LRRTM4: variants seen among roughly 807,000 people sequenced by gnomAD.
The protein encoded by LRRTM4 is leucine rich repeat transmembrane neuronal 4.
A neutral mutation model predicts 47.6 loss-of-function variants in LRRTM4; 25 were observed. The observed-to-expected ratio is 0.53, with a 90% CI of 0.38 to 0.73. The LOEUF is 0.73. Ranked by LOEUF, LRRTM4 falls within the 30% of genes least tolerant of loss-of-function variation. LRRTM4 has a pLI of 0.00. For synonymous variants in LRRTM4, 311 were observed against 269.5 expected (o/e 1.15, Z -1.51); for missense variants, 638 against 713.4 (o/e 0.89, Z 1.20).
intron 3 of LRRTM4, among the ~76,000 whole-genome samples, chr2:77,258,693 G>C (rs1388314236): frequency 2.0e-5 from 3 of 151,748 alleles, no homozygotes; most frequent in East Asian, 3.9e-4. Context: ...TTATATTCAG[G>C]AAAATTGTTA....
chr2:77,398,782 T>C (rs935697100), intron 3 of LRRTM4, among the ~76,000 whole-genome samples: 1 of 151,794 alleles, frequency 6.6e-6, no homozygotes, highest in Admixed American at 6.6e-5. Context: ...AATGACCTTA[T>C]GGTCTAAAAA....
Position 76,903,335 on chromosome 2 carries a change from G to C in LRRTM4, c.1552-154419C>G, listed in dbSNP as rs551574380. Among the ~76,000 whole-genome samples the C allele has an allele frequency of 2.0e-5, 3 of 152,280 alleles. No homozygotes were observed. The East Asian group carries it at 5.8e-4, about 29-fold the overall frequency. On this transcript the variant is annotated intron_variant, in intron 3 of 3. Transcript: ENST00000409884. ...GTGTATCACGAGGTCAGGAGATTGA[G>C]ACCAGCCTGGCCAATATGGTGAAAC...
At chr2:76,783,846 C>T (rs1332991817) in intron 3 of LRRTM4, among the ~76,000 whole-genome samples, 1 of 152,072 alleles carries the variant, frequency 6.6e-6, no homozygotes, top group African/African-American at 2.4e-5. Context: ...AATGTTAATT[C>T]TGCACATTTC....
intron 3 of LRRTM4, among the ~76,000 whole-genome samples, chr2:76,807,645 G>A (rs1573145067): frequency 6.6e-6 from 1 of 151,460 alleles, no homozygotes; most frequent in East Asian, 2.0e-4. Context: ...AGGCTGGAGT[G>A]CAACGGTGCG....
At chr2:76,920,266 A>G (rs116366010) in intron 3 of LRRTM4, among the ~76,000 whole-genome samples, 1 of 152,138 alleles carries the variant, frequency 6.6e-6, no homozygotes, top group Admixed American at 6.6e-5. Context: ...ATTTTCACCA[A>G]AAAGTATAAA....
intron 3 of LRRTM4, among the ~76,000 whole-genome samples, chr2:76,871,085 C>G (rs559870580): frequency 6.6e-6 from 1 of 152,238 alleles, no homozygotes; most frequent in South Asian, 2.1e-4. Context: ...AAATCAATAT[C>G]AATACAACAT....
intron 3 of LRRTM4, among the ~76,000 whole-genome samples, chr2:76,975,335 C>G (rs1374196255): frequency 6.6e-6 from 1 of 151,702 alleles, no homozygotes; most frequent in Non-Finnish European, 1.5e-5. Context: ...CACTTGCTCA[C>G]TATGGATTTG....
intron 3 of LRRTM4, among the ~76,000 whole-genome samples, chr2:77,146,741 G>A (rs1672271032): frequency 6.6e-6 from 1 of 152,048 alleles, no homozygotes; most frequent in Non-Finnish European, 1.5e-5. Context: ...CTATTTTAGG[G>A]TGATGGTAAA....
At chr2:77,057,027 G>T (rs1013632388) in intron 3 of LRRTM4, among the ~76,000 whole-genome samples, 7 of 152,138 alleles carry the variant, frequency 4.6e-5, no homozygotes, top group African/African-American at 1.7e-4. Flanking sequence ...CTATTCTTTT[G>T]CATATTGTTA....
At chr2:77,070,587 T>C (rs1204651333) in intron 3 of LRRTM4, among the ~76,000 whole-genome samples, 1 of 152,170 alleles carries the variant, frequency 6.6e-6, no homozygotes, top group African/African-American at 2.4e-5. Context: ...ATATTGTATC[T>C]TTTTTTATAA....
intron 3 of LRRTM4, among the ~76,000 whole-genome samples, chr2:77,379,515 C>A (rs1672968307): frequency 6.6e-6 from 1 of 152,096 alleles, no homozygotes; most frequent in African/African-American, 2.4e-5. Context: ...ACCTTGAATT[C>A]AATCTCCCTC....
At chr2:77,466,702 CTTT>C (rs34276275) in intron 3 of LRRTM4, among the ~76,000 whole-genome samples, 36,693 of 131,372 alleles carry the variant, frequency 0.28, 4,690 homozygotes, top group East Asian at 0.37. Flanking sequence ...ACTATGGCAA[CTTT>C]TTTTTTTTTT....
chr2:77,099,732 T>A (rs1249074322), intron 3 of LRRTM4, among the ~76,000 whole-genome samples: 3 of 151,942 alleles, frequency 2.0e-5, no homozygotes, highest in Admixed American at 2.0e-4. Flanking sequence ...GTGGAGAAGC[T>A]GAAGAAACAA....
chr2:77,112,937 T>A (rs113469666), intron 3 of LRRTM4, among the ~76,000 whole-genome samples: 1,899 of 152,230 alleles, frequency 0.012, 48 homozygotes, highest in African/African-American at 0.043. Flanking sequence ...GAGGGAGAAT[T>A]TCTTGAGCAT....
At chr2:77,315,956 T>G (rs931558737) in intron 3 of LRRTM4, among the ~76,000 whole-genome samples, 2 of 152,162 alleles carry the variant, frequency 1.3e-5, no homozygotes, top group African/African-American at 4.8e-5. Context: ...TTAGCAAACA[T>G]AGGTAACCTG....
intron 3 of LRRTM4, among the ~76,000 whole-genome samples, chr2:76,919,559 C>T (rs963451217): frequency 8.5e-5 from 13 of 152,094 alleles, no homozygotes; most frequent in Admixed American, 8.5e-4. Context: ...TTTGAAGCTG[C>T]GGCCCTCATC....
chr2:76,962,980 A>C (rs934406665), intron 3 of LRRTM4, among the ~76,000 whole-genome samples: 9 of 150,754 alleles, frequency 6.0e-5, no homozygotes, highest in African/African-American at 9.7e-5. Flanking sequence ...AATAAATCTC[A>C]ATCATGATTA....
At chr2:76,915,333 G>C (rs1674206806) in intron 3 of LRRTM4, among the ~76,000 whole-genome samples, 1 of 152,204 alleles carries the variant, frequency 6.6e-6, no homozygotes, top group African/African-American at 2.4e-5. Context: ...ACCAATCACA[G>C]CGATGCATGC....
intron 3 of LRRTM4, among the ~76,000 whole-genome samples, chr2:76,982,500 G>C (rs1339491255): frequency 6.6e-6 from 1 of 151,898 alleles, no homozygotes; most frequent in Non-Finnish European, 1.5e-5. Context: ...ATAATTCTTT[G>C]CAATTTTTTT....
Sources: gnomAD v4.1 joint callset for allele counts (sites outside exome capture counted in the v4.1 genomes callset) on GRCh38, gnomAD v4.1.1 for gene constraint, MANE v1.5 for transcripts, NCBI Gene and HGNC (gene_info 2026-07-23, HGNC 2026-07-21) for gene names.